ALCAM: variants seen among roughly 807,000 people sequenced by gnomAD.
ALCAM encodes the protein activated leukocyte cell adhesion molecule, also known as CD166 antigen.
ALCAM carries 30 observed loss-of-function variants against 70.9 expected under a neutral mutation model. The ratio of observed to expected loss-of-function variants is 0.42; its 90% confidence interval spans 0.32 to 0.57. The LOEUF is 0.57. ALCAM is among the 20% of genes least tolerant of loss of function. The pLI is 0.11. For synonymous variants in ALCAM, 249 were observed against 242.5 expected (o/e 1.03, Z -0.25); for missense variants, 591 against 695.1 (o/e 0.85, Z 1.68).
At chr3:105,541,554 G>T (rs1175873885) in intron 7 of ALCAM, 79 bp from the exon 8 acceptor site, 10 of 1,439,928 alleles carry the variant, frequency 6.9e-6, no homozygotes, top group Non-Finnish European at 9.5e-6. Flanking sequence ...TTGATAAAAT[G>T]CTATCTTCAT....
intron 1 of ALCAM, among the ~76,000 whole-genome samples, chr3:105,514,445 T>A (rs11714319): frequency 0.091 from 13,807 of 151,884 alleles, 855 homozygotes; most frequent in Non-Finnish European, 0.14. Context: ...AATAACAAAC[T>A]ATCAGGCTAA....
intron 14 of ALCAM, among the ~76,000 whole-genome samples, chr3:105,568,043 T>TTATTA (rs1940781203): frequency 7.0e-6 from 1 of 143,140 alleles, no homozygotes. Flanking sequence ...TTTATTTTTT[T>TTATTA]TATTATTTTA....
chr3:105,551,964 G>A (rs1214925222), intron 12 of ALCAM, among the ~76,000 whole-genome samples, 180 bp from the exon 13 acceptor site: 3 of 149,892 alleles, frequency 2.0e-5, no homozygotes, highest in Non-Finnish European at 4.4e-5. Context: ...CTTAAAACAA[G>A]ATTAATTTCT....
intron 1 of ALCAM, among the ~76,000 whole-genome samples, chr3:105,485,464 G>A (rs1179662150): frequency 6.6e-6 from 1 of 151,686 alleles, no homozygotes; most frequent in Non-Finnish European, 1.5e-5. Context: ...TATGAATTTG[G>A]TTCCTAGAAT....
At chr3:105,514,021 A>G (rs1939313702) in intron 1 of ALCAM, among the ~76,000 whole-genome samples, 1 of 151,886 alleles carries the variant, frequency 6.6e-6, no homozygotes, top group South Asian at 2.1e-4. Context: ...CATCTATAGA[A>G]ACCTCAATTC....
At chr3:105,565,053 A>C (rs526375) in intron 14 of ALCAM, among the ~76,000 whole-genome samples, 24,021 of 151,972 alleles carry the variant, frequency 0.16, 2,071 homozygotes, top group Admixed American at 0.27. Flanking sequence ...ACAGAGGCTA[A>C]GGTGGGATGA....
intron 1 of ALCAM, among the ~76,000 whole-genome samples, chr3:105,431,359 C>T (rs1443959667): frequency 6.6e-6 from 1 of 152,074 alleles, no homozygotes; most frequent in Admixed American, 6.5e-5. Context: ...CAGGGGGAGT[C>T]ATCTGGAGCT....
chr3:105,424,332 C>T (rs1385405431), intron 1 of ALCAM, among the ~76,000 whole-genome samples: 1 of 151,676 alleles, frequency 6.6e-6, no homozygotes, highest in African/African-American at 2.4e-5. Flanking sequence ...GCCATGCTAT[C>T]CTAAATTATA....
At chr3:105,466,121 G>A (rs1292199948) in intron 1 of ALCAM, among the ~76,000 whole-genome samples, 1 of 151,328 alleles carries the variant, frequency 6.6e-6, no homozygotes, top group Non-Finnish European at 1.5e-5. Flanking sequence ...TTAAGTGCTA[G>A]CTCAAAGATC....
intron 1 of ALCAM, among the ~76,000 whole-genome samples, chr3:105,398,896 C>CA (rs978761049): frequency 6.7e-6 from 1 of 148,472 alleles, no homozygotes; most frequent in Non-Finnish European, 1.5e-5. Flanking sequence ...GACTCATAAG[C>CA]TTTTTTTTTT....
chr3:105,558,099 G>T (rs1940557111), intron 14 of ALCAM, among the ~76,000 whole-genome samples: 1 of 151,956 alleles, frequency 6.6e-6, no homozygotes, highest in Admixed American at 6.6e-5. Context: ...ATACTCCTGG[G>T]CATGACCCTA....
At chr3:105,485,279 C>G (rs905139728) in intron 1 of ALCAM, among the ~76,000 whole-genome samples, 2 of 151,932 alleles carry the variant, frequency 1.3e-5, no homozygotes, top group Non-Finnish European at 2.9e-5. Flanking sequence ...TCTCTGAGTA[C>G]AGCATTGATA....
intron 15 of ALCAM, among the ~76,000 whole-genome samples, chr3:105,574,080 C>T (rs1055968463): frequency 6.6e-6 from 1 of 151,908 alleles, no homozygotes; most frequent in Non-Finnish European, 1.5e-5. Context: ...TTCCCCAGTC[C>T]TTTGTAAACA....
intron 1 of ALCAM, among the ~76,000 whole-genome samples, chr3:105,384,445 T>C (rs1165259511): frequency 2.6e-5 from 4 of 151,542 alleles, no homozygotes; most frequent in Non-Finnish European, 5.9e-5. Context: ...TTCCTTACTT[T>C]ACTTTTGATC....
chr3:105,408,454 G>C lies in ALCAM; in HGVS notation c.73+40973G>C, dbSNP rs532500287. Among the ~76,000 whole-genome samples the C allele has an allele frequency of 7.2e-5, 11 of 152,206 alleles. No individual in the cohort carries two copies. In the Middle Eastern group the frequency reaches 0.01, roughly 141 times the overall value. ...CAAACAAAAACATAAGGTGGGGAAAGGACACCCTATTCAACAAATGGTGCT... is the reference window on the plus strand; with the variant it reads ...CAAACAAAAACATAAGGTGGGGAAACGACACCCTATTCAACAAATGGTGCT... On this transcript the variant is annotated intron_variant, in intron 1 of 15. Coordinates refer to ENST00000306107, the MANE Select transcript of ALCAM (RefSeq NM_001627.4).
intron 1 of ALCAM, among the ~76,000 whole-genome samples, chr3:105,476,554 T>C (rs1938116610): frequency 6.6e-6 from 1 of 152,034 alleles, no homozygotes; most frequent in South Asian, 2.1e-4. Flanking sequence ...TGGTTCCAGT[T>C]AGTATATTTA....
rs557599133 is a variant in ALCAM at position 105,533,836 on chromosome 3, G to A, written c.547+146G>A. The A allele has an allele frequency of 3.0e-5, 18 of 608,808 alleles. No homozygotes were observed. The East Asian group carries it at 5.0e-4, about 17-fold the overall frequency. The allele number at this position is 608,808 out of a possible 1,614,324, so 37.7% of individuals were successfully genotyped here. On this transcript the variant is annotated intron_variant, in intron 5 of 15. Transcript: ENST00000306107. ...GGAAGACAATTTTTCTTTGGATCAG[G>A]GTGGGGGGATGGTTTCAGGGTGATT...
At chr3:105,552,345 A>G in intron 13 of ALCAM, 123 bp from the exon 14 acceptor site, 1 of 1,294,148 alleles carries the variant, frequency 7.7e-7, no homozygotes, top group Non-Finnish European at 1.1e-6. Context: ...AAAAATCACA[A>G]GTTTGCATGT....
intron 1 of ALCAM, among the ~76,000 whole-genome samples, chr3:105,484,475 T>C (rs1414035086): frequency 6.6e-6 from 1 of 152,030 alleles, no homozygotes; most frequent in Non-Finnish European, 1.5e-5. Context: ...GAAAGGTCAG[T>C]GAATCAAATT....
Sources: allele counts gnomAD v4.1 joint callset (sites outside exome capture counted in the v4.1 genomes callset), GRCh38; gene constraint gnomAD v4.1.1; transcripts MANE v1.5; gene names NCBI Gene and HGNC (gene_info 2026-07-23, HGNC 2026-07-21).